PAQR5: variants seen among roughly 807,000 people sequenced by gnomAD.
The protein encoded by PAQR5 is progestin and adipoQ receptor family member 5.
A neutral mutation model predicts 34.5 loss-of-function variants in PAQR5; 20 were observed. The observed-to-expected ratio is 0.58, with a 90% CI of 0.41 to 0.84. The LOEUF (loss-of-function observed/expected upper bound fraction) is 0.84. Among genes scored for constraint, PAQR5 ranks in the 40% least tolerant of loss-of-function variants. The pLI is 0.00. For synonymous variants in PAQR5, 131 were observed against 155.6 expected (o/e 0.84, Z 1.18); for missense variants, 378 against 412.7 (o/e 0.92, Z 0.73).
intron 3 of PAQR5, among the ~76,000 whole-genome samples, chr15:69,375,595 C>A (rs1052174125): frequency 3.9e-5 from 6 of 152,260 alleles, no homozygotes; most frequent in African/African-American, 1.4e-4. Context: ...CCAGGCGGAG[C>A]AATGAAGGAC....
intron 3 of PAQR5, chr15:69,379,615 A>G: frequency 2.0e-6 from 2 of 982,848 alleles, no homozygotes; most frequent in Non-Finnish European, 2.4e-6. Flanking sequence ...AAGAGTAAGT[A>G]CGCCGGGGAA....
intron 2 of PAQR5, among the ~76,000 whole-genome samples, chr15:69,351,067 G>T (rs1317537644): frequency 1.3e-5 from 2 of 152,188 alleles, no homozygotes; most frequent in African/African-American, 4.8e-5. Context: ...TGGGTCCAAG[G>T]GAATAGACAT....
At chr15:69,334,492 A>G (rs1207909631) in intron 1 of PAQR5, among the ~76,000 whole-genome samples, 1 of 152,202 alleles carries the variant, frequency 6.6e-6, no homozygotes, top group East Asian at 1.9e-4. Flanking sequence ...TTGGAGCATT[A>G]GATGATAGGT....
intron 4 of PAQR5, among the ~76,000 whole-genome samples, chr15:69,384,117 G>C (rs1366618406): frequency 1.5e-5 from 2 of 133,044 alleles, no homozygotes; most frequent in African/African-American, 5.8e-5. Flanking sequence ...GGGTGAGTGG[G>C]CCTCTGTGCT....
chr15:69,378,052 C>T (rs1567029540), intron 3 of PAQR5, among the ~76,000 whole-genome samples: 2 of 151,836 alleles, frequency 1.3e-5, no homozygotes, highest in Admixed American at 1.3e-4. Flanking sequence ...CATTTAAGGT[C>T]AGGAGTTTGA....
intron 6 of PAQR5, chr15:69,392,003 G>C (rs746286967): frequency 2.6e-6 from 1 of 384,434 alleles, no homozygotes; most frequent in African/African-American, 2.1e-5. Flanking sequence ...GTTGCAGTGA[G>C]CTGAGAGCAT....
At chr15:69,332,500 C>T (rs2054405077) in intron 1 of PAQR5, among the ~76,000 whole-genome samples, 1 of 152,140 alleles carries the variant, frequency 6.6e-6, no homozygotes. Flanking sequence ...AAAGCCTGTG[C>T]AAGCTTGAAA....
intron 1 of PAQR5, among the ~76,000 whole-genome samples, chr15:69,322,773 G>GAT: frequency 1.0e-4 from 1 of 9,734 alleles, no homozygotes; most frequent in East Asian, 3.6e-3. Context: ...AGAAGAAGAG[G>GAT]GAGAAGAAGA....
Position 69,337,347 on chromosome 15 carries a change from A to G in PAQR5, c.-270A>G, listed in dbSNP as rs973501024. The G allele has an allele frequency of 2.6e-5, 4 of 152,238 alleles. No homozygotes were observed. Among genetic ancestry groups the G allele is most frequent in the African/African-American group, 9.6e-5 (4 of 41,468 alleles). The allele number at this position is 152,238 out of a possible 1,614,324, so 9.4% of individuals were successfully genotyped here. A position where few individuals can be genotyped will look rare whatever the true frequency, so the allele number is the denominator to read the frequency against. On this transcript the variant is annotated 5_prime_UTR_variant, in exon 2 of 9. Transcript: ENST00000395407. ...CTGTTTTCTTTTGTCACAGGACACC[A>G]TTGGAGAAACTGGGCATTTTACCAA...
intron 3 of PAQR5, among the ~76,000 whole-genome samples, chr15:69,376,286 C>T (rs2055703667): frequency 6.6e-6 from 1 of 152,166 alleles, no homozygotes; most frequent in Non-Finnish European, 1.5e-5. Flanking sequence ...TTGCAGTTTT[C>T]CTTTGGGGTC....
chr15:69,304,907 G>A (rs1441215197), intron 1 of PAQR5, among the ~76,000 whole-genome samples: 1 of 152,234 alleles, frequency 6.6e-6, no homozygotes, highest in East Asian at 1.9e-4. Flanking sequence ...TTGTTTTGGA[G>A]TTGATCACTG....
At position 69,379,934 on chromosome 15, in the gene PAQR5, G is replaced by A; in HGVS notation, c.103G>A (p.Ala35Thr). The A allele has an allele frequency of 6.2e-7, 1 of 1,614,198 alleles. No homozygotes were observed. The highest frequency in any genetic ancestry group is 8.5e-7 in the Non-Finnish European group (1 of 1,180,020). The change falls in exon 4 of 9, where the codon GCC (alanine) becomes ACC (threonine). Residue 35 changes from alanine (A) to threonine (T), a missense_variant. Physicochemically the swap from Ala to Thr is moderately conservative, Grantham distance 58. Coordinates refer to ENST00000395407, the MANE Select transcript of PAQR5 (RefSeq NM_017705.4). ...CGGCTACCGCCATCCACAGAGTTCT[G>A]CCACTGCCTGCATCCTCAGCCTTTT... The part of the protein sequence containing the change: ...LFGYRHPQSS[A>T]TACILSLFQM...
chr15:69,302,790 C>T (rs1238955659), intron 1 of PAQR5, among the ~76,000 whole-genome samples: 3 of 152,172 alleles, frequency 2.0e-5, no homozygotes, highest in Admixed American at 1.3e-4. Flanking sequence ...ATCCCCACCA[C>T]CCCTGAGAGC....
Position 69,384,854 on chromosome 15 carries a change from C to G in PAQR5, c.357C>G (p.Asp119Glu), listed in dbSNP as rs1391398582. 1 of 1,613,930 alleles carries G rather than the reference C, an allele frequency of 6.2e-7. No homozygotes were observed. Among genetic ancestry groups the G allele is most frequent in the Admixed American group, 1.7e-5 (1 of 59,998 alleles). The change falls in exon 5 of 9, where the codon GAC (aspartate) becomes GAG (glutamate). Residue 119 changes from aspartate to glutamate, a missense_variant. Coordinates refer to ENST00000395407, the MANE Select transcript of PAQR5 (RefSeq NM_017705.4). Reference sequence around the variant, plus strand: ...CCCGGCACATTTGCTACTTCCTGGACTATGGTGCCGTCAACCTCTTCAGCC... The same window carrying G: ...CCCGGCACATTTGCTACTTCCTGGAGTATGGTGCCGTCAACCTCTTCAGCC... ...KNARHICYFL[D>E]YGAVNLFSLG...
rs562930498 is a variant in PAQR5, at chr15:69,352,394, A to G, written c.-115-7572A>G. 2.0e-5 allele frequency among the ~76,000 whole-genome samples: 3 copies of G among 152,296 alleles called. No individual in the cohort carries two copies. In the East Asian group the frequency reaches 5.8e-4, roughly 29 times the overall value. On this transcript the variant is annotated intron_variant, in intron 2 of 8. Coordinates refer to ENST00000395407, the MANE Select transcript of PAQR5 (RefSeq NM_017705.4). ...CATGCACAGCAGCATTCCATCATCA[A>G]ATGGAAGTGGTTTATACGTGATCAG...
Position 69,404,967 on chromosome 15 carries a change from T to C in PAQR5, c.*1145T>C, listed in dbSNP as rs1220797858. 1 of 398,512 alleles carries C rather than the reference T, an allele frequency of 2.5e-6. No homozygotes were observed. The highest frequency in any genetic ancestry group is 4.4e-6 in the Non-Finnish European group (1 of 226,068). 24.7% of individuals were successfully genotyped at this position (398,512 alleles called of 1,614,324 possible). A position where few individuals can be genotyped will look rare whatever the true frequency, so the allele number is the denominator to read the frequency against. On this transcript the variant is annotated 3_prime_UTR_variant, in exon 9 of 9. Coordinates refer to ENST00000395407, the MANE Select transcript of PAQR5 (RefSeq NM_017705.4). ...GGCCAAACTTGAAGAACTGCTGGTGTTACATGTTCCAAAAGGCATTAGACC... is the reference window on the plus strand; with the variant it reads ...GGCCAAACTTGAAGAACTGCTGGTGCTACATGTTCCAAAAGGCATTAGACC...
intron 1 of PAQR5, among the ~76,000 whole-genome samples, chr15:69,317,121 C>T (rs559091491): frequency 1.3e-5 from 2 of 152,294 alleles, no homozygotes; most frequent in East Asian, 1.9e-4. Context: ...ACCCAGTCCA[C>T]AAGGGGTTTA....
At chr15:69,359,471 G>A (rs941775399) in intron 2 of PAQR5, among the ~76,000 whole-genome samples, 4 of 152,084 alleles carry the variant, frequency 2.6e-5, no homozygotes, top group African/African-American at 7.2e-5. Flanking sequence ...AAGGGGGTGC[G>A]TGTGAGAGGG....
rs568899077 is a variant in PAQR5 at position 69,402,596 on chromosome 15, G to A, written c.752-985G>A. On this transcript the variant is annotated intron_variant, in intron 8 of 8. Transcript: ENST00000395407. ...CTCCCAAAGTGCTGGGATTACAGGCGTGAACCACCGCGCCTGGCCTAAACT... is the reference window on the plus strand; with the variant it reads ...CTCCCAAAGTGCTGGGATTACAGGCATGAACCACCGCGCCTGGCCTAAACT... Among the ~76,000 whole-genome samples, 27 of 152,280 alleles carry A rather than the reference G, an allele frequency of 1.8e-4. No individual in the cohort carries two copies. In the East Asian group the frequency reaches 5.0e-3, roughly 28 times the overall value.
Sources: allele counts gnomAD v4.1 joint callset (sites outside exome capture counted in the v4.1 genomes callset), GRCh38; gene constraint gnomAD v4.1.1; transcripts MANE v1.5; gene names NCBI Gene and HGNC (gene_info 2026-07-23, HGNC 2026-07-21).